The following SH3PXD2A variants were observed in gnomAD, a reference collection of about 807,000 sequenced individuals.
SH3PXD2A encodes the protein SH3 and PX domain-containing protein 2A.
SH3PXD2A carries 32 observed loss-of-function variants against 115.2 expected under a neutral mutation model. That is an observed-to-expected ratio of 0.28 (90% CI 0.21 to 0.37). The LOEUF is 0.37. SH3PXD2A is among the 10% of genes least tolerant of loss of function. The pLI, the probability that SH3PXD2A is intolerant of heterozygous loss-of-function variation, is 1.00. For missense variants in SH3PXD2A, 1,328 were observed against 1,498.7 expected, an observed-to-expected ratio of 0.89 and a Z score of 1.88; for synonymous variants, 610 against 629.1, an observed-to-expected ratio of 0.97 and a Z score of 0.45.
intron 6 of SH3PXD2A, among the ~76,000 whole-genome samples, chr10:103,678,739 G>C (rs1016341988): frequency 6.6e-6 from 1 of 152,198 alleles, no homozygotes; most frequent in Non-Finnish European, 1.5e-5. Flanking sequence ...GCATCTCCTA[G>C]TGTCAGGAAC....
rs1344116606 is a variant in SH3PXD2A at position 103,598,147 on chromosome 10, CAAG to C, written c.*3666_*3668del. ...TAATGCCTTCGTCAAGATGGAAAATCAAGGAGGAAGAAAGAGAAACCTTTGGGG... is the reference window on the plus strand; with the variant it reads ...TAATGCCTTCGTCAAGATGGAAAATCGAGGAAGAAAGAGAAACCTTTGGGG... On this transcript the variant is annotated 3_prime_UTR_variant, in exon 15 of 15. Coordinates refer to ENST00000369774, the MANE Select transcript of SH3PXD2A (RefSeq NM_001394015.1). 6.6e-6 allele frequency: 1 copy of C among 152,636 alleles called. No individual in the cohort carries two copies. Among genetic ancestry groups the C allele is most frequent in the Non-Finnish European group, 1.5e-5 (1 of 68,054 alleles). The allele number at this position is 152,636 out of a possible 1,614,324, so 9.5% of individuals were successfully genotyped here. A position where few individuals can be genotyped will look rare whatever the true frequency, so the allele number is the denominator to read the frequency against.
intron 3 of SH3PXD2A, among the ~76,000 whole-genome samples, chr10:103,743,820 T>C (rs1202363941): frequency 6.6e-6 from 1 of 152,214 alleles, no homozygotes; most frequent in African/African-American, 2.4e-5. Context: ...TTCTTTAAGA[T>C]TTTCGTCAAG....
At chr10:103,714,871 T>C (rs2038087396) in intron 5 of SH3PXD2A, among the ~76,000 whole-genome samples, 1 of 152,202 alleles carries the variant, frequency 6.6e-6, no homozygotes, top group South Asian at 2.1e-4. Context: ...CTGACCAGAA[T>C]GCAGCCAGGC....
chr10:103,700,262 C>A (rs2134140631), intron 5 of SH3PXD2A, among the ~76,000 whole-genome samples: 1 of 152,306 alleles, frequency 6.6e-6, no homozygotes, highest in South Asian at 2.1e-4. Context: ...CCTCTCTGTA[C>A]CTTCGGTTGT....
intron 1 of SH3PXD2A, among the ~76,000 whole-genome samples, chr10:103,803,335 G>A (rs2864000): frequency 0.55 from 83,131 of 152,034 alleles, 24,118 homozygotes; most frequent in South Asian, 0.69. Flanking sequence ...ATAAATGGGG[G>A]TATGCTTTGC....
intron 1 of SH3PXD2A, among the ~76,000 whole-genome samples, chr10:103,802,362 A>G (rs577623525): frequency 5.9e-5 from 9 of 152,336 alleles, no homozygotes; most frequent in Non-Finnish European, 4.4e-5. Context: ...AGGCGTTAGC[A>G]CGTGGGAGAC....
At chr10:103,619,569 G>A (rs965153143) in intron 10 of SH3PXD2A, among the ~76,000 whole-genome samples, 5 of 152,316 alleles carry the variant, frequency 3.3e-5, no homozygotes, top group African/African-American at 1.2e-4. Flanking sequence ...AGAGAACAAG[G>A]TCTAGCCCAT....
At chr10:103,846,981 T>C (rs1842853766) in intron 1 of SH3PXD2A, among the ~76,000 whole-genome samples, 1 of 152,242 alleles carries the variant, frequency 6.6e-6, no homozygotes, top group African/African-American at 2.4e-5. Context: ...ACATGCTGCG[T>C]GGGGCTGTTC....
chr10:103,615,870 T>C (rs1038562519), intron 11 of SH3PXD2A, among the ~76,000 whole-genome samples: 1 of 151,984 alleles, frequency 6.6e-6, no homozygotes. Context: ...GGTGGGTGAT[T>C]GGGTTGACTC....
chr10:103,809,999 T>A (rs1198268086), intron 1 of SH3PXD2A, among the ~76,000 whole-genome samples: 2 of 152,250 alleles, frequency 1.3e-5, no homozygotes, highest in East Asian at 3.9e-4. Context: ...CCACTATTTA[T>A]TTAAATGGGA....
intron 1 of SH3PXD2A, among the ~76,000 whole-genome samples, chr10:103,801,929 C>T (rs2039151662): frequency 6.6e-6 from 1 of 152,174 alleles, no homozygotes; most frequent in Admixed American, 6.5e-5. Context: ...GTCTCGAACT[C>T]CTGACCTCAG....
At chr10:103,611,498 C>T in intron 13 of SH3PXD2A, 83 bp downstream of exon 13, 2 of 1,279,268 alleles carry the variant, frequency 1.6e-6, no homozygotes, top group Non-Finnish European at 2.3e-6. Context: ...AGAGGCTCTG[C>T]CGCAAGATAG....
At chr10:103,705,172 C>T (rs1036345887) in intron 5 of SH3PXD2A, among the ~76,000 whole-genome samples, 2 of 152,186 alleles carry the variant, frequency 1.3e-5, no homozygotes, top group African/African-American at 4.8e-5. Flanking sequence ...CAGCCGTGGG[C>T]CGCCACCTCC....
At chr10:103,785,086 G>A (rs1262005594) in intron 2 of SH3PXD2A, among the ~76,000 whole-genome samples, 1 of 152,154 alleles carries the variant, frequency 6.6e-6, no homozygotes, top group African/African-American at 2.4e-5. Flanking sequence ...TTGGACCAGA[G>A]AAAACGGCTG....
intron 10 of SH3PXD2A, 127 bp downstream of exon 10, chr10:103,622,343 G>A: frequency 1.5e-6 from 1 of 670,416 alleles, no homozygotes; most frequent in Non-Finnish European, 2.6e-6. Context: ...TGAGAAGAAA[G>A]CCTGGCCCGT....
Position 103,597,511 on chromosome 10 carries a change from C to T in SH3PXD2A, c.*4305G>A, listed in dbSNP as rs1330048350. On this transcript the variant is annotated 3_prime_UTR_variant, in exon 15 of 15. Transcript: ENST00000369774. ...CCTGCCTCTGCTCCAGGGACTGGGG[C>T]CTAGAGGTCAAGGGCCCCATGCCTG... is the stretch of plus-strand genomic sequence containing the variant. 6.6e-6 allele frequency: 1 copy of T among 152,216 alleles called. No homozygotes were observed. Among genetic ancestry groups the T allele is most frequent in the Non-Finnish European group, 1.5e-5 (1 of 68,056 alleles). The allele number at this position is 152,216 out of a possible 1,614,324, so 9.4% of individuals were successfully genotyped here.
chr10:103,642,239 C>A (rs2036966732), intron 8 of SH3PXD2A, among the ~76,000 whole-genome samples: 2 of 151,672 alleles, frequency 1.3e-5, no homozygotes, highest in Admixed American at 6.6e-5. Flanking sequence ...CTGGCTCCAA[C>A]CAGAAAAGCA....
At chr10:103,680,606 G>C (rs1042525195) in intron 6 of SH3PXD2A, among the ~76,000 whole-genome samples, 1 of 152,266 alleles carries the variant, frequency 6.6e-6, no homozygotes, top group Admixed American at 6.5e-5. Flanking sequence ...AGGAAGCAAA[G>C]GGACTTTCTA....
At chr10:103,701,671 T>TCATC (rs1363234401) in intron 5 of SH3PXD2A, among the ~76,000 whole-genome samples, 1 of 143,546 alleles carries the variant, frequency 7.0e-6, no homozygotes, top group South Asian at 2.4e-4. Context: ...CATCCATCCA[T>TCATC]CATCCATCCA....
Sources: allele counts gnomAD v4.1 joint callset (sites outside exome capture counted in the v4.1 genomes callset), GRCh38; gene constraint gnomAD v4.1.1; transcripts MANE v1.5; gene names NCBI Gene and HGNC (gene_info 2026-07-23, HGNC 2026-07-21).